The following CLASP1 variants were observed in gnomAD, a reference collection of about 807,000 sequenced individuals.
The protein encoded by CLASP1 is cytoplasmic linker associated protein 1.
CLASP1 carries 38 observed loss-of-function variants against 192.3 expected under a neutral mutation model. The ratio of observed to expected loss-of-function variants is 0.20; its 90% CI spans 0.15 to 0.26. The LOEUF (loss-of-function observed/expected upper bound fraction) is 0.26. CLASP1 is among the 10% of genes least tolerant of loss of function. The pLI, the probability that CLASP1 is intolerant of heterozygous loss-of-function variation, is 1.00. For synonymous variants in CLASP1, 691 were observed against 712.8 expected, an observed-to-expected ratio of 0.97 and a Z score of 0.49; for missense variants, 1,433 against 1,932.5, an observed-to-expected ratio of 0.74 and a Z score of 4.85.
chr2:121,479,682 C>T (rs538418982), intron 8 of CLASP1, among the ~76,000 whole-genome samples: 2 of 152,278 alleles, frequency 1.3e-5, no homozygotes, highest in African/African-American at 4.8e-5. Flanking sequence ...TCCCCTTCTC[C>T]ATCAAAGTAT....
chr2:121,545,387 G>A (rs1316358711), intron 2 of CLASP1, among the ~76,000 whole-genome samples: 5 of 151,898 alleles, frequency 3.3e-5, no homozygotes, highest in South Asian at 2.1e-4. Context: ...GGGCGGGCAC[G>A]GAGCAGACAT....
At chr2:121,508,466 A>G (rs2094010569) in intron 7 of CLASP1, among the ~76,000 whole-genome samples, 1 of 152,252 alleles carries the variant, frequency 6.6e-6, no homozygotes, top group Non-Finnish European at 1.5e-5. Flanking sequence ...CATGACATAT[A>G]GAACATAAAT....
chr2:121,622,023 T>C (rs540914935), intron 1 of CLASP1, among the ~76,000 whole-genome samples: 1 of 151,822 alleles, frequency 6.6e-6, no homozygotes, highest in Admixed American at 6.6e-5. Flanking sequence ...AATTTTTGTA[T>C]TTTTAGTAGA....
chr2:121,603,420 A>G (rs2064033871), intron 2 of CLASP1, among the ~76,000 whole-genome samples: 1 of 152,190 alleles, frequency 6.6e-6, no homozygotes, highest in Non-Finnish European at 1.5e-5. Flanking sequence ...AAAGACAAAA[A>G]ATAATAAATG....
At chr2:121,561,268 TTTG>T (rs748979015) in intron 2 of CLASP1, among the ~76,000 whole-genome samples, 4 of 152,248 alleles carry the variant, frequency 2.6e-5, no homozygotes, top group African/African-American at 9.6e-5. Context: ...ATACTATAGG[TTTG>T]ATCTTTAGAA....
At chr2:121,394,443 C>T (rs1350288510) in intron 30 of CLASP1, among the ~76,000 whole-genome samples, 1 of 152,206 alleles carries the variant, frequency 6.6e-6, no homozygotes, top group Non-Finnish European at 1.5e-5. Context: ...GCCTTCTGTC[C>T]TTTGTGGTTT....
intron 1 of CLASP1, among the ~76,000 whole-genome samples, chr2:121,606,881 AC>A (rs1321662033): frequency 4.6e-5 from 7 of 152,144 alleles, no homozygotes; most frequent in South Asian, 2.1e-4. Context: ...ACATGGTGAA[AC>A]CCTGTCTCTA....
chr2:121,571,962 T>C (rs972005339), intron 2 of CLASP1, among the ~76,000 whole-genome samples: 5 of 149,938 alleles, frequency 3.3e-5, no homozygotes, highest in African/African-American at 1.2e-4. Flanking sequence ...GATGTAGTAC[T>C]GATTACAAAA....
chr2:121,599,345 T>C (rs1258999110), intron 2 of CLASP1, among the ~76,000 whole-genome samples: 6 of 149,008 alleles, frequency 4.0e-5, no homozygotes, highest in Non-Finnish European at 1.5e-5. Flanking sequence ...ATCCCAGCAC[T>C]TTGAGAGGCC....
chr2:121,518,766 T>A (rs2094388540), intron 6 of CLASP1, among the ~76,000 whole-genome samples: 1 of 151,974 alleles, frequency 6.6e-6, no homozygotes, highest in Non-Finnish European at 1.5e-5. Flanking sequence ...TAGTCCCAGC[T>A]ACTTGGGACA....
chr2:121,381,833 T>C (rs1470033973), intron 33 of CLASP1, among the ~76,000 whole-genome samples: 1 of 152,150 alleles, frequency 6.6e-6, no homozygotes, highest in Admixed American at 6.5e-5. Context: ...CAGGGGAATG[T>C]CTTCTGCACT....
At chr2:121,345,147 A>C (rs530222207) in intron 39 of CLASP1, among the ~76,000 whole-genome samples, 3 of 152,318 alleles carry the variant, frequency 2.0e-5, no homozygotes, top group East Asian at 1.9e-4. Context: ...GCTCCATATA[A>C]AAATAATAAC....
rs545757630 is a variant in CLASP1 at position 121,359,874 on chromosome 2, G to C, written c.4206+3298C>G. Among the ~76,000 whole-genome samples the C allele has an allele frequency of 2.6e-5, 4 of 152,310 alleles. 1 individual carries two copies. The South Asian group carries it at 8.3e-4, about 32-fold the overall frequency. ...CTTTGGATGAATGGTGTCTGAGACA[G>C]ATTTGGTACTTGGCACATTTTCAAT... On this transcript the variant is annotated intron_variant, in intron 37 of 39. Coordinates refer to ENST00000263710, the Ensembl canonical transcript of CLASP1.
At chr2:121,420,655 T>C (rs1001578895) in intron 22 of CLASP1, among the ~76,000 whole-genome samples, 3 of 152,220 alleles carry the variant, frequency 2.0e-5, no homozygotes, top group Non-Finnish European at 2.9e-5. Flanking sequence ...TGTAAAAATT[T>C]TGTCGTATTC....
chr2:121,359,336 G>A (rs1478031533), intron 37 of CLASP1, among the ~76,000 whole-genome samples: 1 of 152,124 alleles, frequency 6.6e-6, no homozygotes, highest in African/African-American at 2.4e-5. Flanking sequence ...GATGAAACTG[G>A]GGACAGCTGG....
chr2:121,603,737 T>G (rs552651290), intron 2 of CLASP1, among the ~76,000 whole-genome samples: 1 of 152,224 alleles, frequency 6.6e-6, no homozygotes, highest in South Asian at 2.1e-4. Context: ...TAATTAGCCA[T>G]GAAAAAGAAT....
intron 1 of CLASP1, among the ~76,000 whole-genome samples, chr2:121,609,616 CT>C (rs572539224): frequency 1.3e-5 from 2 of 152,314 alleles, no homozygotes; most frequent in East Asian, 1.9e-4. Flanking sequence ...CCTTCCACCC[CT>C]GACCCTCCCA....
intron 1 of CLASP1, among the ~76,000 whole-genome samples, chr2:121,615,830 AAAAC>A (rs1367622539): frequency 7.2e-5 from 11 of 152,282 alleles, no homozygotes; most frequent in South Asian, 4.1e-4. Context: ...AAAAAAAACA[AAAAC>A]AAACAAAAAA....
intron 19 of CLASP1, among the ~76,000 whole-genome samples, chr2:121,445,867 G>T (rs1457031907): frequency 6.6e-6 from 1 of 152,134 alleles, no homozygotes; most frequent in Non-Finnish European, 1.5e-5. Flanking sequence ...AAATACTGAG[G>T]CTGATTTTTA....
Sources: allele counts gnomAD v4.1 joint callset (sites outside exome capture counted in the v4.1 genomes callset), GRCh38; gene constraint gnomAD v4.1.1; transcripts MANE v1.5; gene names NCBI Gene and HGNC (gene_info 2026-07-23, HGNC 2026-07-21).